The following PTPRD variants were observed in gnomAD, a reference collection of about 807,000 sequenced individuals.
PTPRD encodes the protein protein tyrosine phosphatase receptor type D.
A neutral mutation model predicts 214.5 loss-of-function variants in PTPRD; 34 were observed. The observed-to-expected ratio is 0.16, with a 90% CI of 0.12 to 0.21. The LOEUF is 0.21. PTPRD is among the 10% of genes least tolerant of loss of function. The pLI, the probability that PTPRD is intolerant of heterozygous loss-of-function variation, is 1.00. For missense variants in PTPRD, 2,545 were observed against 2,398.7 expected, an observed-to-expected ratio of 1.06 and a Z score of -1.27; for synonymous variants, 1,128 against 845.7, an observed-to-expected ratio of 1.33 and a Z score of -5.79.
At chr9:8,877,025 C>A (rs757662069) in intron 11 of PTPRD, among the ~76,000 whole-genome samples, 8 of 151,932 alleles carry the variant, frequency 5.3e-5, no homozygotes, top group Non-Finnish European at 1.2e-4. Flanking sequence ...CCCCCGGGTT[C>A]AAGTGCTTCT....
At chr9:9,949,889 G>A (rs975172586) in intron 4 of PTPRD, among the ~76,000 whole-genome samples, 1 of 152,084 alleles carries the variant, frequency 6.6e-6, no homozygotes, top group Non-Finnish European at 1.5e-5. Context: ...TTGAATCATG[G>A]CTCTTCTGAA....
chr9:9,442,268 G>A (rs1422233684), intron 8 of PTPRD: 1 of 152,232 alleles, frequency 6.6e-6, no homozygotes, highest in African/African-American at 2.4e-5. Flanking sequence ...AAACGGAGCA[G>A]GTCAAAACTC....
At chr9:10,226,467 C>T (rs765561723) in intron 3 of PTPRD, among the ~76,000 whole-genome samples, 2 of 151,974 alleles carry the variant, frequency 1.3e-5, no homozygotes, top group African/African-American at 2.4e-5. Flanking sequence ...GAGAAACTCT[C>T]CTAGATCCAG....
chr9:8,852,186 T>C lies in PTPRD; in HGVS notation c.-103-118240A>G, dbSNP rs1036276. Among the ~76,000 whole-genome samples, 1,441 of 152,324 alleles carry C rather than the reference T, an allele frequency of 9.5e-3. 47 individuals carry two copies. Among genetic ancestry groups the C allele is most frequent in the South Asian group, 0.088 (423 of 4,828 alleles). ...GAGAAATGCTGTTTTCTAAATACAA[T>C]TCCCAAATCTCAATTTAGTTAGCTA... On this transcript the variant is annotated intron_variant, in intron 11 of 45. Transcript: ENST00000381196.
chr9:8,704,260 G>A (rs1268588365), intron 12 of PTPRD, among the ~76,000 whole-genome samples: 2 of 151,906 alleles, frequency 1.3e-5, no homozygotes, highest in South Asian at 2.1e-4. Flanking sequence ...TCCATCCTCT[G>A]CATCTCCCTA....
chr9:9,824,383 A>G (rs2051925825), intron 5 of PTPRD, among the ~76,000 whole-genome samples: 1 of 152,010 alleles, frequency 6.6e-6, no homozygotes, highest in South Asian at 2.1e-4. Flanking sequence ...TATTTTTCAC[A>G]TGCTGTTTAC....
At chr9:9,599,466 G>A (rs913737194) in intron 7 of PTPRD, among the ~76,000 whole-genome samples, 1 of 152,034 alleles carries the variant, frequency 6.6e-6, no homozygotes, top group Non-Finnish European at 1.5e-5. Context: ...GGCTTCCTGG[G>A]CTGGGTGTGG....
intron 8 of PTPRD, among the ~76,000 whole-genome samples, chr9:9,527,069 G>A (rs1283346867): frequency 1.3e-5 from 2 of 152,120 alleles, no homozygotes; most frequent in Non-Finnish European, 2.9e-5. Context: ...TATGGCTTGA[G>A]AGCTGATTTA....
chr9:8,512,306 C>A (rs1477793873), intron 21 of PTPRD, among the ~76,000 whole-genome samples: 1 of 152,024 alleles, frequency 6.6e-6, no homozygotes, highest in Non-Finnish European at 1.5e-5. Flanking sequence ...AATACACAAG[C>A]ATCAGCACAA....
At chr9:8,358,011 C>T (rs1161153456) in intron 39 of PTPRD, among the ~76,000 whole-genome samples, 4 of 152,150 alleles carry the variant, frequency 2.6e-5, no homozygotes, top group Non-Finnish European at 4.4e-5. Flanking sequence ...ATTTTTTAGT[C>T]TATACATACA....
chr9:8,404,191 C>T (rs9785294), intron 36 of PTPRD, among the ~76,000 whole-genome samples: 2,918 of 152,218 alleles, frequency 0.019, 101 homozygotes, highest in African/African-American at 0.067. Context: ...TACAGTGACA[C>T]GATCTCGGCT....
chr9:8,399,137 T>G (rs1294730142), intron 36 of PTPRD, among the ~76,000 whole-genome samples: 1 of 147,656 alleles, frequency 6.8e-6, no homozygotes, highest in Admixed American at 6.8e-5. Flanking sequence ...AATCATCTCA[T>G]ACTGTCTAAG....
chr9:8,342,436 A>G (rs1010784912), intron 39 of PTPRD, among the ~76,000 whole-genome samples: 3 of 152,076 alleles, frequency 2.0e-5, no homozygotes, highest in African/African-American at 4.8e-5. Flanking sequence ...TTACAGTCTC[A>G]AGCTAAACCT....
At chr9:9,346,808 T>A (rs548197753) in intron 9 of PTPRD, among the ~76,000 whole-genome samples, 1 of 152,162 alleles carries the variant, frequency 6.6e-6, no homozygotes, top group Non-Finnish European at 1.5e-5. Context: ...TTCTCCTGCC[T>A]CAGCCTCTCA....
At chr9:8,840,898 C>T (rs181463202) in intron 11 of PTPRD, among the ~76,000 whole-genome samples, 43 of 152,194 alleles carry the variant, frequency 2.8e-4, no homozygotes, top group Admixed American at 7.2e-4. Context: ...GTGCATGTAA[C>T]GATATGTACA....
At chr9:9,167,019 A>ACTT (rs397821092) in intron 10 of PTPRD, among the ~76,000 whole-genome samples, 9 of 152,150 alleles carry the variant, frequency 5.9e-5, no homozygotes, top group African/African-American at 2.2e-4. Flanking sequence ...GTCTTATCTT[A>ACTT]ATCATTTCAA....
At chr9:9,421,999 CAAAA>C (rs2078999279) in intron 8 of PTPRD, among the ~76,000 whole-genome samples, 1 of 146,104 alleles carries the variant, frequency 6.8e-6, no homozygotes, top group African/African-American at 2.5e-5. Context: ...AAAAAAAAAA[CAAAA>C]AAACAGTAAA....
intron 9 of PTPRD, among the ~76,000 whole-genome samples, chr9:9,216,007 G>C (rs1569563328): frequency 1.3e-5 from 2 of 152,052 alleles, no homozygotes; most frequent in African/African-American, 2.4e-5. Context: ...ATAAACATTG[G>C]CAGTACTTGC....
chr9:9,962,878 T>C (rs955860379), intron 4 of PTPRD, among the ~76,000 whole-genome samples: 2 of 152,046 alleles, frequency 1.3e-5, no homozygotes, highest in African/African-American at 4.8e-5. Flanking sequence ...TAATGCACCA[T>C]AACTTGAATA....
Sources: allele counts gnomAD v4.1 joint callset (sites outside exome capture counted in the v4.1 genomes callset), GRCh38; gene constraint gnomAD v4.1.1; transcripts MANE v1.5; gene names NCBI Gene and HGNC (gene_info 2026-07-23, HGNC 2026-07-21).